PKHD1L1: variants seen among roughly 807,000 people sequenced by gnomAD.
PKHD1L1 encodes PKHD1 like 1, also known as fibrocystin-L.
Under a neutral mutation model 462.9 loss-of-function variants are expected in PKHD1L1, and 434 were observed. The ratio of observed to expected loss-of-function variants is 0.94; its 90% CI spans 0.87 to 1.02. The LOEUF (loss-of-function observed/expected upper bound fraction) is 1.02. Among genes scored for constraint, PKHD1L1 ranks in the 50% least tolerant of loss-of-function variants. The probability of loss-of-function intolerance (pLI) is 0.00; values close to 1 mark genes in which losing one functional copy is unlikely to be tolerated. For missense variants in PKHD1L1, 5,202 were observed against 5,096.1 expected (o/e 1.02, Z -0.63); for synonymous variants, 1,781 against 1,750.0 (o/e 1.02, Z -0.44).
rs530600117 is a variant in PKHD1L1 at position 109,368,983 on chromosome 8, A to AT, written c.163+4360dup. Among the ~76,000 whole-genome samples the AT allele has an allele frequency of 4.0e-3, 581 of 145,112 alleles. 2 individuals carry two copies. The highest frequency in any genetic ancestry group is 0.011 in the East Asian group (55 of 5,018). On this transcript the variant is annotated intron_variant, in intron 2 of 77. Transcript: ENST00000378402. The stretch of plus-strand genomic sequence containing the variant: ...TTCAATCATTTGTTTAGAATTACAT[A>AT]TTTTTTTTTTTTTGAGATGGAGTTT...
In PKHD1L1 at chr8:109,532,160, T is replaced by C. The variant is rs1821055594; in HGVS notation, c.*2070T>C. Among the ~76,000 whole-genome samples the C allele has an allele frequency of 6.6e-6, 1 of 152,260 alleles. No individual in the cohort carries two copies. The highest frequency in any genetic ancestry group is 6.5e-5 in the Admixed American group (1 of 15,292). ...ACTGGAGTTTTTTGTCAAGATTTTT[T>C]CTGTCAGTTTTTAATAAGGAAATTT... On this transcript the variant is annotated 3_prime_UTR_variant, in exon 78 of 78. Coordinates refer to ENST00000378402, the MANE Select transcript of PKHD1L1 (RefSeq NM_177531.6).
intron 2 of PKHD1L1, among the ~76,000 whole-genome samples, chr8:109,376,038 G>T (rs1811805052): frequency 6.6e-6 from 1 of 152,192 alleles, no homozygotes; most frequent in African/African-American, 2.4e-5. Flanking sequence ...TGTCAGACAG[G>T]GACATTTAAG....
chr8:109,529,615 A>G, intron 77 of PKHD1L1, among the ~76,000 whole-genome samples: 1 of 152,164 alleles, frequency 6.6e-6, no homozygotes, highest in Non-Finnish European at 1.5e-5. Flanking sequence ...GAATTAGTAA[A>G]TCATATAGCT....
At chr8:109,515,359 T>C (rs1181968495) in intron 72 of PKHD1L1, 54 bp downstream of exon 72, 21 of 1,282,410 alleles carry the variant, frequency 1.6e-5, no homozygotes, top group Non-Finnish European at 2.1e-5. Context: ...ATTTATAATA[T>C]TTTAAGTGTC....
chr8:109,444,096 T>C (rs1815974452), intron 37 of PKHD1L1, among the ~76,000 whole-genome samples, 194 bp downstream of exon 37: 1 of 145,328 alleles, frequency 6.9e-6, no homozygotes. Context: ...ACAATCAATT[T>C]TAGAACATTT....
chr8:109,449,765 A>G (rs1816377509), intron 40 of PKHD1L1, among the ~76,000 whole-genome samples: 1 of 152,214 alleles, frequency 6.6e-6, no homozygotes, highest in African/African-American at 2.4e-5. Context: ...TGGAGAACAC[A>G]TTTTTAGTTC....
At chr8:109,370,219 A>G (rs1409177361) in intron 2 of PKHD1L1, among the ~76,000 whole-genome samples, 1 of 152,114 alleles carries the variant, frequency 6.6e-6, no homozygotes, top group Non-Finnish European at 1.5e-5. Flanking sequence ...CCCAGGTTCA[A>G]GTGATTCTCC....
intron 18 of PKHD1L1, among the ~76,000 whole-genome samples, chr8:109,409,207 T>C (rs1312501186): frequency 6.6e-6 from 1 of 152,232 alleles, no homozygotes; most frequent in Non-Finnish European, 1.5e-5. Context: ...AATAATTTAT[T>C]ATTTTTTGAA....
At chr8:109,517,146 C>T (rs1009925199) in intron 72 of PKHD1L1, among the ~76,000 whole-genome samples, 4 of 152,178 alleles carry the variant, frequency 2.6e-5, no homozygotes, top group African/African-American at 7.2e-5. Flanking sequence ...AAAACAACTC[C>T]GCCACTGCCC....
At chr8:109,371,660 C>A (rs1450861332) in intron 2 of PKHD1L1, among the ~76,000 whole-genome samples, 8 of 104,562 alleles carry the variant, frequency 7.7e-5, no homozygotes, top group Non-Finnish European at 1.7e-4. Context: ...AGTCTTTAAT[C>A]CATCTTGAAT....
At chr8:109,414,961 CATTATTATTATTATTATTATTATT>C (rs3058250) in intron 21 of PKHD1L1, among the ~76,000 whole-genome samples, 9 of 140,672 alleles carry the variant, frequency 6.4e-5, no homozygotes, top group South Asian at 4.7e-4. Flanking sequence ...ATCATCCCAA[CATTATTATTATTATTATTATTATT>C]ATTATTATTA....
intron 19 of PKHD1L1, among the ~76,000 whole-genome samples, chr8:109,411,650 C>T (rs970327204): frequency 3.9e-5 from 6 of 152,156 alleles, no homozygotes; most frequent in African/African-American, 1.2e-4. Flanking sequence ...CTCTCTCACA[C>T]CTCTGCTTTT....
Position 109,536,447 on chromosome 8 carries a change from T to C in PKHD1L1, c.*6357T>C, listed in dbSNP as rs1023959561. Among the ~76,000 whole-genome samples the C allele has an allele frequency of 3.9e-5, 6 of 152,250 alleles. No homozygotes were observed. The highest frequency in any genetic ancestry group is 1.4e-4 in the African/African-American group (6 of 41,466). On this transcript the variant is annotated 3_prime_UTR_variant, in exon 78 of 78. Transcript: ENST00000378402. ...TGTACAAGATAGATTTACAAACTACTGTTTTATGTTGGTTGTATGAATTTC... is the reference window on the plus strand; with the variant it reads ...TGTACAAGATAGATTTACAAACTACCGTTTTATGTTGGTTGTATGAATTTC...
At chr8:109,441,718 T>G (rs1281152370) in intron 34 of PKHD1L1, among the ~76,000 whole-genome samples, 2 of 152,160 alleles carry the variant, frequency 1.3e-5, no homozygotes, top group African/African-American at 4.8e-5. Flanking sequence ...AAATATTCTA[T>G]GTAAGATTTC....
chr8:109,515,531 T>C (rs1182795257), intron 72 of PKHD1L1, among the ~76,000 whole-genome samples: 1 of 152,034 alleles, frequency 6.6e-6, no homozygotes, highest in Non-Finnish European at 1.5e-5. Flanking sequence ...CAGATATGAG[T>C]TTTTGTTTAT....
rs954534127 is a variant in PKHD1L1 at position 109,448,254 on chromosome 8, G to T, written c.5888G>T (p.Ser1963Ile). ...TGTAATGTAACCATGGCCAATGATA[G>T]TGTGGTGCAGTGCATCGTGGGAGAT... ...IQCNVTMAND[S>I]VVQCIVGDHA... is the part of the protein sequence containing the mutation. The change falls in exon 39 of 78, where the codon AGT becomes ATT. Residue 1963 changes from serine to isoleucine, a missense_variant. Coordinates refer to ENST00000378402, the MANE Select transcript of PKHD1L1 (RefSeq NM_177531.6). The T allele has an allele frequency of 5.6e-6, 9 of 1,613,582 alleles. No homozygotes were observed. Among genetic ancestry groups the T allele is most frequent in the Non-Finnish European group, 7.6e-6 (9 of 1,179,782 alleles).
At chr8:109,441,782 A>C (rs1815807644) in intron 34 of PKHD1L1, among the ~76,000 whole-genome samples, 1 of 152,076 alleles carries the variant, frequency 6.6e-6, no homozygotes, top group South Asian at 2.1e-4. Flanking sequence ...TCTGTTGATC[A>C]TCGCTTTTGC....
At chr8:109,415,554 G>A (rs9656882) in intron 21 of PKHD1L1, among the ~76,000 whole-genome samples, 45,162 of 151,974 alleles carry the variant, frequency 0.3, 7,300 homozygotes, top group Admixed American at 0.43. Flanking sequence ...CACTGGGACA[G>A]TGGCAGAAAG....
rs547353875 is a variant in PKHD1L1, at chr8:109,531,521, A to T, written c.*1431A>T. ...AGATAGATAGAGAGAGAGAGAAAGC[A>T]TGAGGTTGCTAGCAATATGGAGGCC... On this transcript the variant is annotated 3_prime_UTR_variant, in exon 78 of 78. Transcript: ENST00000378402. Among the ~76,000 whole-genome samples, 7 of 152,132 alleles carry T rather than the reference A, an allele frequency of 4.6e-5. No individual in the cohort carries two copies. The highest frequency in any genetic ancestry group is 3.3e-4 in the Admixed American group (5 of 15,262).
Sources: gnomAD v4.1 joint callset for allele counts (sites outside exome capture counted in the v4.1 genomes callset) on GRCh38, gnomAD v4.1.1 for gene constraint, MANE v1.5 for transcripts, NCBI Gene and HGNC (gene_info 2026-07-23, HGNC 2026-07-21) for gene names.